The following UNC5D variants were observed in gnomAD, a reference collection of about 807,000 sequenced individuals.
UNC5D encodes the protein unc-5 netrin receptor D, also known as netrin receptor UNC5D.
A neutral mutation model predicts 105.4 loss-of-function variants in UNC5D; 39 were observed. That is an observed-to-expected ratio of 0.37 (90% confidence interval 0.29 to 0.48). The LOEUF (loss-of-function observed/expected upper bound fraction) is 0.48. Ranked by LOEUF, UNC5D falls within the 20% of genes least tolerant of loss-of-function variation. The pLI is 0.98. For synonymous variants in UNC5D, 452 were observed against 450.4 expected (o/e 1.00, Z -0.04); for missense variants, 991 against 1,202.4 (o/e 0.82, Z 2.60).
At chr8:35,285,896 C>T (rs542772481) in intron 1 of UNC5D, among the ~76,000 whole-genome samples, 2 of 152,110 alleles carry the variant, frequency 1.3e-5, no homozygotes, top group African/African-American at 2.4e-5. Context: ...TGTGATTGTA[C>T]AGTTAGCACA....
chr8:35,578,283 AAAGAG>A, intron 3 of UNC5D, among the ~76,000 whole-genome samples: 1 of 140,696 alleles, frequency 7.1e-6, no homozygotes, highest in Non-Finnish European at 1.5e-5. Flanking sequence ...AAAAAAAAAG[AAAGAG>A]AAAAGAAAAA....
intron 1 of UNC5D, among the ~76,000 whole-genome samples, chr8:35,471,642 G>A (rs962263942): frequency 1.3e-5 from 2 of 152,052 alleles, no homozygotes; most frequent in Non-Finnish European, 2.9e-5. Context: ...TTTTCCTTGT[G>A]TTTTTTCTTT....
rs560867319 is a variant in UNC5D, at chr8:35,366,228, T to C, written c.103+130341T>C. Among the ~76,000 whole-genome samples the C allele has an allele frequency of 2.0e-5, 3 of 152,122 alleles. No homozygotes were observed. The South Asian group carries it at 6.2e-4, about 32-fold the overall frequency. ...CTTGGAGTGTTTGAGGGCACATAGA[T>C]TCCTATTTTTTCACTGTTTTTCCTT... is the stretch of plus-strand genomic sequence containing the variant. On this transcript the variant is annotated intron_variant, in intron 1 of 16. Coordinates refer to ENST00000404895, the MANE Select transcript of UNC5D (RefSeq NM_080872.4).
At chr8:35,604,735 G>T (rs1249432882) in intron 4 of UNC5D, among the ~76,000 whole-genome samples, 2 of 152,130 alleles carry the variant, frequency 1.3e-5, no homozygotes, top group African/African-American at 4.8e-5. Context: ...TGGAGGCTTT[G>T]TTCGTTTCTT....
chr8:35,739,035 T>C (rs1454760953), intron 11 of UNC5D, among the ~76,000 whole-genome samples: 1 of 152,174 alleles, frequency 6.6e-6, no homozygotes, highest in African/African-American at 2.4e-5. Flanking sequence ...GAAAGATGCC[T>C]CCCAGGTAAC....
At chr8:35,323,890 T>C (rs963800598) in intron 1 of UNC5D, among the ~76,000 whole-genome samples, 2 of 152,130 alleles carry the variant, frequency 1.3e-5, no homozygotes, top group Non-Finnish European at 2.9e-5. Context: ...CCCTGGTCGG[T>C]GCTCTTAAGA....
chr8:35,568,077 T>G, intron 2 of UNC5D, 21 bp from the exon 3 acceptor site: 2 of 1,612,914 alleles, frequency 1.2e-6, no homozygotes, highest in Non-Finnish European at 8.5e-7. Context: ...CTGATTTGTC[T>G]CTTATCTCTC....
chr8:35,776,664 AT>A (rs1205331138), intron 16 of UNC5D, among the ~76,000 whole-genome samples: 1 of 152,082 alleles, frequency 6.6e-6, no homozygotes, highest in East Asian at 1.9e-4. Flanking sequence ...CTCCAGGAAA[AT>A]TTTTTTGACA....
At chr8:35,555,844 AAG>A (rs1816502651) in intron 2 of UNC5D, among the ~76,000 whole-genome samples, 1 of 150,996 alleles carries the variant, frequency 6.6e-6, no homozygotes, top group Non-Finnish European at 1.5e-5. Flanking sequence ...CAAAAAAAAA[AAG>A]AATAATTATA....
chr8:35,342,024 T>A (rs931937683), intron 1 of UNC5D, among the ~76,000 whole-genome samples: 3 of 152,114 alleles, frequency 2.0e-5, no homozygotes, highest in Non-Finnish European at 4.4e-5. Context: ...TGTTTAAGTT[T>A]CCTTGGTAAC....
chr8:35,549,239 G>A, intron 1 of UNC5D, 53 bp from the exon 2 acceptor site: 1 of 1,566,786 alleles, frequency 6.4e-7, no homozygotes, highest in Non-Finnish European at 8.8e-7. Context: ...TTGTGTCCTG[G>A]TGTATGTGCT....
chr8:35,667,110 C>CT (rs200433149), intron 4 of UNC5D, among the ~76,000 whole-genome samples: 55 of 151,324 alleles, frequency 3.6e-4, no homozygotes, highest in African/African-American at 1.2e-3. Flanking sequence ...GAGCTTTAGA[C>CT]TTTTTTTTTC....
chr8:35,683,787 G>T (rs974958333), intron 5 of UNC5D, 60 bp downstream of exon 5: 2 of 1,394,034 alleles, frequency 1.4e-6, no homozygotes, highest in Admixed American at 3.1e-5. Flanking sequence ...AGAGGGATGT[G>T]TGTTTTATTA....
intron 4 of UNC5D, among the ~76,000 whole-genome samples, chr8:35,630,349 C>T (rs1305697299): frequency 1.3e-5 from 2 of 152,200 alleles, no homozygotes; most frequent in South Asian, 4.1e-4. Context: ...ATTAGCCACT[C>T]ATTTGAATTC....
At chr8:35,592,043 T>C (rs112325108) in intron 3 of UNC5D, among the ~76,000 whole-genome samples, 3 of 152,226 alleles carry the variant, frequency 2.0e-5, no homozygotes, top group Non-Finnish European at 4.4e-5. Flanking sequence ...AACCAATTGG[T>C]GTACTTGCTG....
At chr8:35,680,609 GATTTT>G (rs1825594884) in intron 4 of UNC5D, among the ~76,000 whole-genome samples, 1 of 152,102 alleles carries the variant, frequency 6.6e-6, no homozygotes, top group Admixed American at 6.5e-5. Flanking sequence ...TTTTGCGCAT[GATTTT>G]ATTTTTCTTT....
chr8:35,555,832 T>TA (rs1816500483), intron 2 of UNC5D, among the ~76,000 whole-genome samples: 1 of 63,246 alleles, frequency 1.6e-5, no homozygotes, highest in Admixed American at 1.6e-4. Flanking sequence ...CTCAAAAAAA[T>TA]ACAAAAAAAA....
intron 10 of UNC5D, chr8:35,727,817 G>T (rs1415013576): frequency 6.6e-6 from 1 of 152,016 alleles, no homozygotes; most frequent in Non-Finnish European, 1.5e-5. Context: ...ATAATTGGAA[G>T]ATAATGAGTC....
intron 4 of UNC5D, among the ~76,000 whole-genome samples, chr8:35,681,534 T>C (rs1471664805): frequency 1.3e-5 from 2 of 152,244 alleles, no homozygotes; most frequent in East Asian, 1.9e-4. Context: ...TGTCACAGGC[T>C]GGTAGTCAGA....
Sources: allele counts gnomAD v4.1 joint callset (sites outside exome capture counted in the v4.1 genomes callset), GRCh38; gene constraint gnomAD v4.1.1; transcripts MANE v1.5; gene names NCBI Gene and HGNC (gene_info 2026-07-23, HGNC 2026-07-21).